Variants in SS18 observed in about 807,000 individuals in gnomAD.
SS18 encodes the protein SS18 subunit of BAF chromatin remodeling complex.
Under a neutral mutation model 72.5 loss-of-function variants are expected in SS18, and 28 were observed. The ratio of observed to expected loss-of-function variants is 0.39; its 90% CI spans 0.29 to 0.53. The LOEUF (loss-of-function observed/expected upper bound fraction) is 0.53, where lower values mean the gene tolerates loss of function less well. SS18 is among the 20% of genes least tolerant of loss of function. The probability of loss-of-function intolerance (pLI) is 0.76; values close to 1 mark genes in which losing one functional copy is unlikely to be tolerated. For missense variants in SS18, 518 were observed against 535.3 expected (o/e 0.97, Z 0.32); for synonymous variants, 172 against 164.2 (o/e 1.05, Z -0.37).
intron 2 of SS18, chr18:26,082,413 A>G (rs600619): frequency 0.27 from 257,063 of 963,144 alleles, 36,642 homozygotes; most frequent in Non-Finnish European, 0.29. Context: ...TTATAGAATA[A>G]AAGTTATCTT....
intron 4 of SS18, among the ~76,000 whole-genome samples, chr18:26,055,445 C>T (rs1007702560): frequency 3.3e-5 from 5 of 151,594 alleles, no homozygotes; most frequent in East Asian, 3.9e-4. Context: ...CCAACCTAGG[C>T]GACAAGAGCA....
chr18:26,042,925 A>G (rs989573814), intron 5 of SS18, among the ~76,000 whole-genome samples: 21 of 152,194 alleles, frequency 1.4e-4, no homozygotes, highest in African/African-American at 4.8e-4. Flanking sequence ...TCACATCCTC[A>G]GATACAAACC....
intron 10 of SS18, among the ~76,000 whole-genome samples, chr18:26,031,170 C>T (rs149853298): frequency 6.8e-4 from 103 of 152,334 alleles, no homozygotes; most frequent in South Asian, 2.3e-3. Flanking sequence ...CTAGCCACGA[C>T]TTATTTCACT....
intron 10 of SS18, among the ~76,000 whole-genome samples, chr18:26,026,662 TGGG>T (rs1228638609): frequency 1.3e-5 from 2 of 151,916 alleles, no homozygotes; most frequent in Admixed American, 6.6e-5. Context: ...GGAAGGAACA[TGGG>T]GGAGCATTCA....
chr18:26,024,026 T>C (rs1373316023), intron 10 of SS18, among the ~76,000 whole-genome samples: 5 of 152,110 alleles, frequency 3.3e-5, no homozygotes, highest in Non-Finnish European at 5.9e-5. Context: ...AAGACACTGA[T>C]ACACGCTACA....
intron 10 of SS18, among the ~76,000 whole-genome samples, chr18:26,019,536 C>G (rs1325812527): frequency 6.6e-6 from 1 of 152,042 alleles, no homozygotes; most frequent in Non-Finnish European, 1.5e-5. Flanking sequence ...ATGGGCCAGG[C>G]ATGGTGACTC....
intron 1 of SS18, among the ~76,000 whole-genome samples, chr18:26,089,390 T>C (rs2054674135): frequency 6.6e-6 from 1 of 152,202 alleles, no homozygotes. Context: ...AGCCCGTTTG[T>C]TCATAAAATA....
At chr18:26,023,771 T>C (rs1156788777) in intron 10 of SS18, 2 of 392,952 alleles carry the variant, frequency 5.1e-6, no homozygotes, top group Admixed American at 4.1e-5. Flanking sequence ...TGATACCACA[T>C]AGTAATATGA....
In SS18 at chr18:26,018,102, G is replaced by A. The variant is rs1827850801; in HGVS notation, c.*252C>T. On this transcript the variant is annotated 3_prime_UTR_variant, in exon 11 of 11. Coordinates refer to ENST00000415083, the MANE Select transcript of SS18 (RefSeq NM_001007559.3). The stretch of plus-strand genomic sequence containing the variant: ...ACAGTTCCAAAATCATTACAAATTG[G>A]TTATGTCATTGCATTTTCTGTCCAA... 1 of 378,642 alleles carries A rather than the reference G, an allele frequency of 2.6e-6. No individual in the cohort carries two copies. Among genetic ancestry groups the A allele is most frequent in the Non-Finnish European group, 4.8e-6 (1 of 209,512 alleles). 23.5% of individuals were successfully genotyped at this position (378,642 alleles called of 1,614,324 possible).
chr18:26,047,064 A>C (rs2143941355), intron 5 of SS18, among the ~76,000 whole-genome samples: 1 of 152,264 alleles, frequency 6.6e-6, no homozygotes, highest in Non-Finnish European at 1.5e-5. Flanking sequence ...TGCATACAGC[A>C]AGGCCTGCCT....
intron 7 of SS18, among the ~76,000 whole-genome samples, chr18:26,036,314 T>TC (rs1291471986): frequency 1.3e-5 from 2 of 152,180 alleles, no homozygotes; most frequent in Non-Finnish European, 2.9e-5. Flanking sequence ...TCTGCTGGTC[T>TC]CCAATTCCAC....
intron 3 of SS18, among the ~76,000 whole-genome samples, chr18:26,066,196 C>T (rs911328456): frequency 1.3e-5 from 2 of 151,924 alleles, no homozygotes; most frequent in Middle Eastern, 3.4e-3. Context: ...TTAAGGACTG[C>T]GCCCATGATT....
At chr18:26,033,755 T>A (rs964335454) in intron 9 of SS18, among the ~76,000 whole-genome samples, 9 of 152,034 alleles carry the variant, frequency 5.9e-5, no homozygotes, top group African/African-American at 2.2e-4. Flanking sequence ...AAAATAGAAA[T>A]TTCTCTTAGG....
intron 5 of SS18, among the ~76,000 whole-genome samples, chr18:26,045,322 G>C (rs1447411412): frequency 6.6e-6 from 1 of 152,084 alleles, no homozygotes; most frequent in East Asian, 1.9e-4. Flanking sequence ...TCAAGGCCTA[G>C]CCTTCAACTA....
chr18:26,075,445 A>AT (rs2144127010), intron 3 of SS18, among the ~76,000 whole-genome samples: 1 of 152,068 alleles, frequency 6.6e-6, no homozygotes, highest in Admixed American at 6.5e-5. Context: ...ATATCAGTAT[A>AT]TTTTACCACA....
intron 2 of SS18, among the ~76,000 whole-genome samples, chr18:26,084,422 T>C (rs2144177974): frequency 6.6e-6 from 1 of 152,318 alleles, no homozygotes; most frequent in African/African-American, 2.4e-5. Context: ...ATGCTAAAAT[T>C]AGTGTGTTGA....
chr18:26,072,739 G>A (rs1381708279), intron 3 of SS18, among the ~76,000 whole-genome samples: 1 of 139,204 alleles, frequency 7.2e-6, no homozygotes, highest in Admixed American at 7.6e-5. Context: ...GGAGCTTGCA[G>A]TGAGCCGAGA....
rs183594520 is a variant in SS18, at chr18:26,070,254, C to A, written c.231+7822G>T. On this transcript the variant is annotated intron_variant, in intron 3 of 10. Coordinates refer to ENST00000415083, the MANE Select transcript of SS18 (RefSeq NM_001007559.3). ...CTGAGAACCAACATTTAAATGATGCCTGCAAGGTTTACCAAGATAGGGCCC... is the reference window on the plus strand; with the variant it reads ...CTGAGAACCAACATTTAAATGATGCATGCAAGGTTTACCAAGATAGGGCCC... Among the ~76,000 whole-genome samples the A allele has an allele frequency of 1.2e-3, 179 of 152,244 alleles. 1 individual carries two copies. Among genetic ancestry groups the A allele is most frequent in the African/African-American group, 4.2e-3 (176 of 41,546 alleles).
intron 5 of SS18, among the ~76,000 whole-genome samples, chr18:26,041,416 C>T (rs911037585): frequency 6.6e-5 from 10 of 152,112 alleles, no homozygotes; most frequent in Non-Finnish European, 1.5e-4. Flanking sequence ...AAGTGTGAAA[C>T]TCTGCCTCAA....
Sources: gnomAD v4.1 joint callset for allele counts (sites outside exome capture counted in the v4.1 genomes callset) on GRCh38, gnomAD v4.1.1 for gene constraint, MANE v1.5 for transcripts, NCBI Gene and HGNC (gene_info 2026-07-23, HGNC 2026-07-21) for gene names.